CENPE: variants seen among roughly 807,000 people sequenced by gnomAD.
CENPE encodes centromere-associated protein E.
A neutral mutation model predicts 336.1 loss-of-function variants in CENPE; 145 were observed. The observed-to-expected ratio is 0.43, with a 90% CI of 0.38 to 0.50. CENPE has a LOEUF of 0.50. CENPE is among the 20% of genes least tolerant of loss of function. The pLI is 0.00. For missense variants in CENPE, 2,719 were observed against 3,023.3 expected, an observed-to-expected ratio of 0.90 and a Z score of 2.36; for synonymous variants, 1,013 against 984.8, an observed-to-expected ratio of 1.03 and a Z score of -0.54.
chr4:103,155,145 A>G (rs1162662319), intron 24 of CENPE, among the ~76,000 whole-genome samples: 1 of 152,166 alleles, frequency 6.6e-6, no homozygotes, highest in African/African-American at 2.4e-5. Context: ...ATACTTGGTA[A>G]CATAGGATCT....
rs1165362553 is a variant in CENPE, at chr4:103,195,290, ATGC to A, written c.358-60_358-58del. ...GGAAGCATCCAATTGTGAAAACCTA[ATGC>A]TAAATGCTCATGTGCTTAAAGAGGT... On this transcript the variant is annotated intron_variant, in intron 4 of 48. Coordinates refer to ENST00000265148, the MANE Select transcript of CENPE (RefSeq NM_001813.3). 1.0e-5 allele frequency: 15 copies of A among 1,460,396 alleles called. No homozygotes were observed. The African/African-American group carries it at 2.2e-4, about 21-fold the overall frequency. The allele number at this position is 1,460,396 out of a possible 1,614,324, so 90.5% of individuals were successfully genotyped here. A position where few individuals can be genotyped will look rare whatever the true frequency, so the allele number is the denominator to read the frequency against.
intron 42 of CENPE, among the ~76,000 whole-genome samples, chr4:103,123,745 T>G (rs1030425328): frequency 1.3e-5 from 2 of 152,174 alleles, no homozygotes; most frequent in Non-Finnish European, 2.9e-5. Flanking sequence ...GATGACAATG[T>G]GTTGTACCAG....
At chr4:103,148,709 C>T in intron 28 of CENPE, 135 bp downstream of exon 28, 1 of 767,672 alleles carries the variant, frequency 1.3e-6, no homozygotes, top group Non-Finnish European at 2.1e-6. Flanking sequence ...AGTGTGCCTG[C>T]CACATTAAAC....
At chr4:103,115,128 A>ACTTTT (rs1187436943) in intron 45 of CENPE, among the ~76,000 whole-genome samples, 12 of 150,772 alleles carry the variant, frequency 8.0e-5, no homozygotes, top group African/African-American at 2.4e-4. Flanking sequence ...CCTATTCTTT[A>ACTTTT]CTTTTCTTTT....
intron 8 of CENPE, among the ~76,000 whole-genome samples, chr4:103,187,436 T>C (rs2126036179): frequency 6.6e-6 from 1 of 152,304 alleles, no homozygotes; most frequent in East Asian, 1.9e-4. Flanking sequence ...CCCATCAGAC[T>C]AACAGCTGAT....
chr4:103,159,576 G>A (rs905784950), intron 21 of CENPE, among the ~76,000 whole-genome samples: 2 of 151,640 alleles, frequency 1.3e-5, no homozygotes, highest in African/African-American at 4.8e-5. Context: ...AAATAGTAAA[G>A]GCACATAATC....
chr4:103,188,130 C>A (rs1419321712), intron 8 of CENPE, among the ~76,000 whole-genome samples: 1 of 152,044 alleles, frequency 6.6e-6, no homozygotes, highest in South Asian at 2.1e-4. Context: ...TACAGGAGCA[C>A]CCAGATTCAT....
chr4:103,127,631 A>C (rs1426160217), intron 42 of CENPE, among the ~76,000 whole-genome samples: 1 of 152,186 alleles, frequency 6.6e-6, no homozygotes, highest in East Asian at 1.9e-4. Flanking sequence ...GATACAATGG[A>C]TGGGAGGGAG....
intron 40 of CENPE, 103 bp downstream of exon 40, chr4:103,136,038 A>G (rs1469924310): frequency 9.6e-6 from 9 of 937,696 alleles, no homozygotes; most frequent in Non-Finnish European, 1.5e-5. Flanking sequence ...ATTTGGTAGT[A>G]AGAATACTAA....
chr4:103,143,484 G>GT, intron 33 of CENPE, 78 bp from the exon 34 acceptor site: 3 of 975,520 alleles, frequency 3.1e-6, no homozygotes, highest in Admixed American at 2.3e-5. Context: ...AGGGCAGGAG[G>GT]TAAAAATCTT....
rs146990718 is a variant in CENPE at position 103,145,083 on chromosome 4, T to G, written c.4824A>C (p.Gln1608His). 2 of 1,538,882 alleles carry G rather than the reference T, an allele frequency of 1.3e-6. No individual in the cohort carries two copies. ...CAATTTCTTTAGTGTTTTCTTTCAG[T>G]TGGTCTCTCTCTATCTGAAGGGCCT... ...VQEALQIERD[Q>H]LKENTKEIVA... Residue 1608 changes from glutamine to histidine, a missense_variant, in exon 32 of 49, where the codon CAA (glutamine) becomes CAC (histidine). Physicochemically the swap from Gln to His is conservative, Grantham distance 24 (BLOSUM62 0). Around this residue, in one of 5 missense-constraint regions of CENPE, gnomAD observed 2,437 missense variants for 2,513.3 expected, o/e 0.97. Coordinates refer to ENST00000265148, the MANE Select transcript of CENPE (RefSeq NM_001813.3).
Position 103,158,397 on chromosome 4 carries a change from G to C in CENPE, c.2936C>G (p.Thr979Arg). Residue 979 changes from threonine (T) to arginine (R), a missense_variant, in exon 24 of 49, where the codon ACA becomes AGA. By Grantham distance (71) the Thr-to-Arg change is moderately conservative (BLOSUM62 -1). Transcript: ENST00000265148. ...AATTTTCGATTTTAGTGTATTAATT[G>C]TTTCTTGATGTTGTTTCAGAGACTC... ...ALESLKQHQE[T>R]INTLKSKISE... The C allele has an allele frequency of 6.2e-7, 1 of 1,606,698 alleles. No homozygotes were observed. The highest frequency in any genetic ancestry group is 8.5e-7 in the Non-Finnish European group (1 of 1,176,488).
intron 38 of CENPE, 67 bp from the exon 39 acceptor site, chr4:103,138,516 G>T (rs971083701): frequency 1.0e-6 from 1 of 967,566 alleles, no homozygotes; most frequent in Admixed American, 1.8e-5. Context: ...ATGTCTAATC[G>T]CACACTTCTA....
At chr4:103,155,993 T>C (rs555295088) in intron 24 of CENPE, among the ~76,000 whole-genome samples, 2 of 152,198 alleles carry the variant, frequency 1.3e-5, no homozygotes, top group South Asian at 4.1e-4. Context: ...ATTTTATGTA[T>C]AATAGCATCA....
At chr4:103,129,760 TA>T (rs1256589936) in intron 42 of CENPE, among the ~76,000 whole-genome samples, 1 of 145,368 alleles carries the variant, frequency 6.9e-6, no homozygotes, top group East Asian at 2.0e-4. Flanking sequence ...AACAAAGATG[TA>T]AAAAAAGATG....
At chr4:103,163,580 G>T in intron 16 of CENPE, 27 bp from the exon 17 acceptor site, 8 of 850,658 alleles carry the variant, frequency 9.4e-6, no homozygotes, top group Non-Finnish European at 1.3e-5. Flanking sequence ...ACAGGTAACA[G>T]AGCAAACCAA....
intron 24 of CENPE, among the ~76,000 whole-genome samples, chr4:103,156,716 A>G (rs1753986016): frequency 1.3e-5 from 2 of 152,140 alleles, no homozygotes; most frequent in Admixed American, 1.3e-4. Flanking sequence ...AACAAGAGTA[A>G]AAATAAATAA....
chr4:103,118,788 A>C (rs1434303968), intron 44 of CENPE, among the ~76,000 whole-genome samples: 1 of 152,138 alleles, frequency 6.6e-6, no homozygotes, highest in Non-Finnish European at 1.5e-5. Flanking sequence ...TCCTTTTCCC[A>C]TTGAGAAGCC....
At chr4:103,180,561 T>A in intron 12 of CENPE, 92 bp from the exon 13 acceptor site, 1 of 783,498 alleles carries the variant, frequency 1.3e-6, no homozygotes, top group Non-Finnish European at 1.9e-6. Context: ...ATTAAATTTG[T>A]ATATGAACTA....
Sources: allele counts gnomAD v4.1 joint callset (sites outside exome capture counted in the v4.1 genomes callset), GRCh38; gene constraint gnomAD v4.1.1; regional missense constraint gnomAD v4.1.1; transcripts MANE v1.5; gene names NCBI Gene and HGNC (gene_info 2026-07-23, HGNC 2026-07-21).